ZNF813: variants seen among roughly 807,000 people sequenced by gnomAD.
ZNF813 encodes zinc finger protein 813.
In ZNF813, 3 loss-of-function variants were observed where a neutral mutation model predicts 7.2. The ratio of observed to expected loss-of-function variants is 0.42; its 90% CI spans 0.19 to 1.08. The LOEUF is 1.08. Ranked by LOEUF, ZNF813 falls within the 50% of genes least tolerant of loss-of-function variation. The probability of loss-of-function intolerance (pLI) is 0.30; values close to 1 mark genes in which losing one functional copy is unlikely to be tolerated. For missense variants in ZNF813, 714 were observed against 753.3 expected, an observed-to-expected ratio of 0.95 and a Z score of 0.61; for synonymous variants, 227 against 256.3, an observed-to-expected ratio of 0.89 and a Z score of 1.09.
chr19:53,486,802 A>G (rs2086436472), intron 3 of ZNF813, 44 bp downstream of exon 3: 3 of 1,613,024 alleles, frequency 1.9e-6, no homozygotes, highest in Non-Finnish European at 2.5e-6. Flanking sequence ...GCCCTTGTGT[A>G]TCTTTGTATT....
At chr19:53,479,924 G>A (rs945620994) in intron 1 of ZNF813, 1 of 840,966 alleles carries the variant, frequency 1.2e-6, no homozygotes, top group Non-Finnish European at 2.1e-6. Context: ...GATTCTTACT[G>A]ATAATCTCGA....
Position 53,491,447 on chromosome 19 carries a change from T to C in ZNF813, c.1215T>C (p.His405=), listed in dbSNP as rs745571144. The C allele has an allele frequency of 1.9e-6, 3 of 1,614,162 alleles. No individual in the cohort carries two copies. In the South Asian group the frequency reaches 3.3e-5, roughly 18 times the overall value. ...ELTLKCHRRL[H]TGEKPYKCNE... ...CCCTTAAATGCCATCGTAGACTTCA[T>C]ACCGGAGAGAAGCCTTACAAGTGTA... is the stretch of plus-strand genomic sequence containing the variant. The change falls in exon 4 of 4, where the codon CAT becomes CAC. Residue 405 remains histidine, a synonymous_variant. Transcript: ENST00000396403.
In ZNF813 at chr19:53,491,026, A is replaced by G; in HGVS notation, c.794A>G (p.His265Arg). 6.2e-7 allele frequency: 1 copy of G among 1,614,200 alleles called. No homozygotes were observed. The change falls in exon 4 of 4, where the codon CAC (histidine) becomes CGC (arginine). Residue 265 changes from histidine (H) to arginine (R), a missense_variant. Transcript: ENST00000396403. ...AACCTAGTGTGCCATCGTAGATGTC[A>G]CACTGGGGAGAAACCTTACAGGTGT... Reference protein sequence around the residue: ...KRNLVCHRRCHTGEKPYRCNE... With the variant: ...KRNLVCHRRCRTGEKPYRCNE...
In ZNF813 at chr19:53,491,531, T is replaced by C. The variant is rs1568433152; in HGVS notation, c.1299T>C (p.His433=). The change falls in exon 4 of 4, where the codon CAT becomes CAC. Residue 433 remains histidine (H), a synonymous_variant. Coordinates refer to ENST00000396403, the MANE Select transcript of ZNF813 (RefSeq NM_001004301.4). ...KANLARHHRL[H]SGEKPYKCTE... ...ACCTTGCACGTCATCATAGACTTCA[T>C]AGTGGAGAGAAACCCTACAAGTGTA... The C allele has an allele frequency of 6.2e-7, 1 of 1,613,682 alleles. No individual in the cohort carries two copies. The highest frequency in any genetic ancestry group is 8.5e-7 in the Non-Finnish European group (1 of 1,179,810).
rs200658542 is a variant in ZNF813 at position 53,472,607 on chromosome 19, C to CTTTTTTTTTTTTT, written c.-74+4821_-74+4822insTTTTTTTTTTTTT. Among the ~76,000 whole-genome samples, 152 of 136,406 alleles carry CTTTTTTTTTTTTT rather than the reference C, an allele frequency of 1.1e-3. 11 individuals carry two copies. Among genetic ancestry groups the CTTTTTTTTTTTTT allele is most frequent in the Middle Eastern group, 4.2e-3 (1 of 236 alleles). The allele number at this position is 136,406 out of a possible 152,430, so 89.5% of individuals were successfully genotyped here. A position where few individuals can be genotyped will look rare whatever the true frequency, so the allele number is the denominator to read the frequency against. Reference sequence around the variant, plus strand: ...AGATGGTCTGATTATAAGTACAAGTCTTTCTTTTTTTTTTTTTTTTTTGAG... The same window carrying CTTTTTTTTTTTTT: ...AGATGGTCTGATTATAAGTACAAGTCTTTTTTTTTTTTTTTTCTTTTTTTTTTTTTTTTTTGAG... On this transcript the variant is annotated intron_variant, in intron 1 of 3. Transcript: ENST00000396403.
chr19:53,487,906 A>G (rs895959243), intron 3 of ZNF813, among the ~76,000 whole-genome samples: 2 of 151,870 alleles, frequency 1.3e-5, no homozygotes, highest in African/African-American at 4.8e-5. Flanking sequence ...ATCAACATAT[A>G]TGTATATTGT....
chr19:53,481,344 C>CTTTTTTTTTTTTTTTTTTTTTTTTTTT (rs66842546), intron 1 of ZNF813, among the ~76,000 whole-genome samples: 11 of 106,372 alleles, frequency 1.0e-4, no homozygotes, highest in Non-Finnish European at 1.3e-4. Flanking sequence ...CCCATGTATT[C>CTTTTTTTTTTTTTTTTTTTTTTTTTTT]TTTTTTTTTT....
chr19:53,488,000 G>T (rs1336514097), intron 3 of ZNF813, among the ~76,000 whole-genome samples: 7 of 152,100 alleles, frequency 4.6e-5, no homozygotes, highest in Non-Finnish European at 1.5e-5. Context: ...TTCTGTATCT[G>T]TACTTTTATT....
chr19:53,475,717 C>A (rs974244585), intron 1 of ZNF813, among the ~76,000 whole-genome samples: 2 of 152,222 alleles, frequency 1.3e-5, no homozygotes, highest in East Asian at 1.9e-4. Flanking sequence ...GGCAAAGAGG[C>A]CATCTTAACA....
Position 53,495,396 on chromosome 19 carries a change from TG to T in ZNF813, c.*3311del, listed in dbSNP as rs1467243907. On this transcript the variant is annotated 3_prime_UTR_variant, in exon 4 of 4. Coordinates refer to ENST00000396403, the MANE Select transcript of ZNF813 (RefSeq NM_001004301.4). ...GCGTGCCACCACATCAGCTAATTTT[TG>T]TATTTTTAGTAAGACGGGGTTTCAC... 6.6e-6 allele frequency: 1 copy of T among 151,768 alleles called. No homozygotes were observed. Among genetic ancestry groups the T allele is most frequent in the Non-Finnish European group, 1.5e-5 (1 of 68,016 alleles). The allele number at this position is 151,768 out of a possible 1,614,324, so 9.4% of individuals were successfully genotyped here.
At chr19:53,478,757 G>A (rs2147157112) in intron 1 of ZNF813, among the ~76,000 whole-genome samples, 1 of 152,166 alleles carries the variant, frequency 6.6e-6, no homozygotes, top group African/African-American at 2.4e-5. Flanking sequence ...CAGTCTGGGT[G>A]GCAGAGCGAG....
chr19:53,470,149 CTTTCTTTCTTTTTCTTTTCT>C (rs1470868990), intron 1 of ZNF813, among the ~76,000 whole-genome samples: 1 of 84,412 alleles, frequency 1.2e-5, no homozygotes, highest in African/African-American at 5.5e-5. Flanking sequence ...TTCTTTCTTT[CTTTCTTTCTTTTTCTTTTCT>C]TTTCTTTCTT....
At chr19:53,474,585 A>T (rs1401416139) in intron 1 of ZNF813, among the ~76,000 whole-genome samples, 1 of 152,006 alleles carries the variant, frequency 6.6e-6, no homozygotes, top group African/African-American at 2.4e-5. Context: ...GCTACTGGGG[A>T]GGCTGAGGCA....
chr19:53,481,344 CTT>C (rs66842546), intron 1 of ZNF813, among the ~76,000 whole-genome samples: 34,788 of 106,350 alleles, frequency 0.33, 4,983 homozygotes, highest in Admixed American at 0.38. Flanking sequence ...CCCATGTATT[CTT>C]TTTTTTTTTT....
At position 53,492,862 on chromosome 19, in the gene ZNF813, G is replaced by A; in HGVS notation, c.*776G>A. 1 of 470,756 alleles carries A rather than the reference G, an allele frequency of 2.1e-6. No individual in the cohort carries two copies. 29.2% of individuals were successfully genotyped at this position (470,756 alleles called of 1,614,324 possible). ...TGCAAAACATAGGAGAATTCATACA[G>A]GAGAGAAACCTCACGTGTGATGATT... On this transcript the variant is annotated 3_prime_UTR_variant, in exon 4 of 4. Transcript: ENST00000396403.
intron 1 of ZNF813, among the ~76,000 whole-genome samples, chr19:53,471,406 G>T (rs1323041827): frequency 1.3e-5 from 2 of 152,124 alleles, no homozygotes; most frequent in Non-Finnish European, 2.9e-5. Flanking sequence ...TTTCTTTAGT[G>T]TTTTATTATA....
At chr19:53,489,852 C>G (rs1213192444) in intron 3 of ZNF813, among the ~76,000 whole-genome samples, 1 of 152,024 alleles carries the variant, frequency 6.6e-6, no homozygotes, top group East Asian at 2.0e-4. Context: ...ACGTAGGCCA[C>G]CACGCCTGGC....
rs376762091 is a variant in ZNF813, at chr19:53,490,358, G to A, written c.143-17G>A. 56 of 1,612,720 alleles carry A rather than the reference G, an allele frequency of 3.5e-5. No individual in the cohort carries two copies. In the African/African-American group the frequency reaches 6.3e-4, roughly 18 times the overall value. ...TCTGTACTGAACTGGAAACCTATTCGTGTTTATATTTTGTAGATATCTCTT... is the reference window on the plus strand; with the variant it reads ...TCTGTACTGAACTGGAAACCTATTCATGTTTATATTTTGTAGATATCTCTT... On this transcript the variant is annotated splice_polypyrimidine_tract_variant and intron_variant, in intron 3 of 3. Coordinates refer to ENST00000396403, the MANE Select transcript of ZNF813 (RefSeq NM_001004301.4).
rs749918118 is a variant in ZNF813, at chr19:53,491,645, G to C, written c.1413G>C (p.Glu471Asp). ...GAGAGAAACGTTACAAGTGTAATGA[G>C]TGTGGCAAGACGTTCAGTCGAATTT... ...HIGEKRYKCN[E>D]CGKTFSRISA... The change falls in exon 4 of 4, where the codon GAG (glutamate) becomes GAC (aspartate). Residue 471 changes from glutamate to aspartate, a missense_variant. Coordinates refer to ENST00000396403, the MANE Select transcript of ZNF813 (RefSeq NM_001004301.4). The C allele has an allele frequency of 8.7e-6, 14 of 1,613,546 alleles. No homozygotes were observed. Among genetic ancestry groups the C allele is most frequent in the African/African-American group, 1.3e-5 (1 of 74,820 alleles).
Sources: allele counts gnomAD v4.1 joint callset (sites outside exome capture counted in the v4.1 genomes callset), GRCh38; gene constraint gnomAD v4.1.1; transcripts MANE v1.5; gene names NCBI Gene and HGNC (gene_info 2026-07-23, HGNC 2026-07-21).